Variants in FCHSD2 observed in about 807,000 individuals in gnomAD.
FCHSD2 encodes the protein FCH and double SH3 domains 2, also known as F-BAR and double SH3 domains protein 2.
A neutral mutation model predicts 108.1 loss-of-function variants in FCHSD2; 38 were observed. The ratio of observed to expected loss-of-function variants is 0.35; its 90% CI spans 0.27 to 0.46. The LOEUF is 0.46. Among genes scored for constraint, FCHSD2 ranks in the 20% least tolerant of loss-of-function variants. FCHSD2 has a pLI of 1.00. For synonymous variants in FCHSD2, 279 were observed against 314.7 expected (o/e 0.89, Z 1.20); for missense variants, 751 against 897.8 (o/e 0.84, Z 2.09).
chr11:72,845,180 G>A (rs1417419188), intron 14 of FCHSD2, among the ~76,000 whole-genome samples: 37 of 152,118 alleles, frequency 2.4e-4, no homozygotes, highest in Admixed American at 2.4e-3. Context: ...CAGCACTTTG[G>A]GAGGCCAAGG....
intron 4 of FCHSD2, among the ~76,000 whole-genome samples, chr11:73,005,602 A>AT (rs1272649197): frequency 6.6e-6 from 1 of 151,636 alleles, no homozygotes; most frequent in African/African-American, 2.4e-5. Context: ...CTCTAACTAC[A>AT]TTCACTCTGT....
In FCHSD2 at chr11:72,984,203, C is replaced by A; in HGVS notation, c.590G>T (p.Arg197Leu). 1 of 1,613,836 alleles carries A rather than the reference C, an allele frequency of 6.2e-7. No individual in the cohort carries two copies. The highest frequency in any genetic ancestry group is 2.2e-5 in the East Asian group (1 of 44,870). Residue 197 changes from arginine (R) to leucine (L), a missense_variant, in exon 8 of 20, where the codon CGA (arginine) becomes CTA (leucine). Physicochemically the swap from Arg to Leu is moderately radical, Grantham distance 102. Coordinates refer to ENST00000409418, the MANE Select transcript of FCHSD2 (RefSeq NM_014824.3). ...GGTAGCTTTGGAATTACACTCAGAT[C>A]GCCGGGCTTTTAACTAAAACATAGC... The part of the protein sequence containing the change: ...QKASVKLKAR[R>L]SECNSKATHA...
intron 8 of FCHSD2, among the ~76,000 whole-genome samples, chr11:72,965,355 G>T (rs963615647): frequency 6.6e-6 from 1 of 152,086 alleles, no homozygotes; most frequent in African/African-American, 2.4e-5. Context: ...AATTTTTACT[G>T]AGCGCTCTTC....
intron 3 of FCHSD2, among the ~76,000 whole-genome samples, chr11:73,076,413 T>C (rs192658767): frequency 6.6e-6 from 1 of 152,228 alleles, no homozygotes; most frequent in African/African-American, 2.4e-5. Context: ...ACCTCAAAAA[T>C]ATCTGCTAAG....
intron 3 of FCHSD2, among the ~76,000 whole-genome samples, chr11:73,032,747 C>T (rs910995730): frequency 4.6e-5 from 7 of 151,838 alleles, no homozygotes; most frequent in Non-Finnish European, 7.4e-5. Context: ...GAGCCTGTAA[C>T]GAGAGGTGGG....
chr11:73,094,135 C>T (rs1412268770), intron 2 of FCHSD2, among the ~76,000 whole-genome samples: 4 of 151,894 alleles, frequency 2.6e-5, no homozygotes, highest in African/African-American at 9.7e-5. Flanking sequence ...CACTTGAACC[C>T]GGGAGGCAGA....
chr11:72,970,878 C>T (rs1180894789), intron 8 of FCHSD2, among the ~76,000 whole-genome samples: 1 of 152,144 alleles, frequency 6.6e-6, no homozygotes, highest in Non-Finnish European at 1.5e-5. Context: ...AACCCAACCA[C>T]AACATTGTGA....
chr11:72,854,688 T>G (rs1470606304), intron 13 of FCHSD2, among the ~76,000 whole-genome samples: 1 of 152,184 alleles, frequency 6.6e-6, no homozygotes, highest in Non-Finnish European at 1.5e-5. Flanking sequence ...AATAACCCAG[T>G]CACAAAAAGA....
intron 12 of FCHSD2, among the ~76,000 whole-genome samples, chr11:72,880,376 A>G (rs559430022): frequency 1.5e-4 from 23 of 152,264 alleles, no homozygotes; most frequent in Admixed American, 7.8e-4. Context: ...TAGTAACCAA[A>G]ACAGCATGGT....
chr11:72,890,760 G>C (rs1855297290), intron 10 of FCHSD2, among the ~76,000 whole-genome samples: 1 of 151,498 alleles, frequency 6.6e-6, no homozygotes, highest in South Asian at 2.1e-4. Context: ...AATTTTTCCT[G>C]GATGTCCTAG....
At chr11:73,111,464 T>C (rs77809521) in intron 2 of FCHSD2, among the ~76,000 whole-genome samples, 2 of 60,798 alleles carry the variant, frequency 3.3e-5, no homozygotes, top group African/African-American at 2.5e-4. Flanking sequence ...TTCTCCATCC[T>C]TTTTTTTTTT....
chr11:72,950,759 G>A (rs1856606519), intron 8 of FCHSD2, among the ~76,000 whole-genome samples: 1 of 151,624 alleles, frequency 6.6e-6, no homozygotes, highest in South Asian at 2.1e-4. Context: ...TTATCATTTG[G>A]CTTCTCAGAT....
At chr11:73,121,007 G>A (rs1860721579) in intron 2 of FCHSD2, among the ~76,000 whole-genome samples, 1 of 152,094 alleles carries the variant, frequency 6.6e-6, no homozygotes, top group Non-Finnish European at 1.5e-5. Context: ...ACAAGAGGCA[G>A]AGAGCTACTA....
chr11:72,917,892 T>TAA (rs879471036), intron 9 of FCHSD2, among the ~76,000 whole-genome samples: 2 of 136,872 alleles, frequency 1.5e-5, no homozygotes, highest in Non-Finnish European at 1.6e-5. Context: ...TGTCTCAAAT[T>TAA]AAAAAAAAAA....
At chr11:73,137,662 G>C (rs1477682800) in intron 2 of FCHSD2, among the ~76,000 whole-genome samples, 1 of 152,176 alleles carries the variant, frequency 6.6e-6, no homozygotes, top group Non-Finnish European at 1.5e-5. Flanking sequence ...AGAGAACAAA[G>C]AACTTGCAGT....
At chr11:72,863,261 A>T (rs10751220) in intron 13 of FCHSD2, among the ~76,000 whole-genome samples, 151,621 of 152,148 alleles carry the variant, frequency 1, 75,548 homozygotes, top group Middle Eastern at 1. Context: ...TGCAAAGGCA[A>T]TTCAGTGGCG....
intron 13 of FCHSD2, among the ~76,000 whole-genome samples, chr11:72,851,499 G>A (rs200153578): frequency 6.6e-6 from 1 of 152,156 alleles, no homozygotes; most frequent in Non-Finnish European, 1.5e-5. Flanking sequence ...CCAGCACTTT[G>A]GGAGGCCGAG....
intron 4 of FCHSD2, among the ~76,000 whole-genome samples, chr11:73,012,273 G>A (rs1308944566): frequency 1.3e-5 from 2 of 152,136 alleles, no homozygotes; most frequent in Non-Finnish European, 2.9e-5. Context: ...GAGCAAGGGT[G>A]TTACAGACTG....
intron 2 of FCHSD2, among the ~76,000 whole-genome samples, chr11:73,106,329 C>G (rs1432826111): frequency 6.6e-6 from 1 of 151,094 alleles, no homozygotes; most frequent in Non-Finnish European, 1.5e-5. Context: ...TTGCTTGAGC[C>G]CATGAAGTCA....
Sources: allele counts gnomAD v4.1 joint callset (sites outside exome capture counted in the v4.1 genomes callset), GRCh38; gene constraint gnomAD v4.1.1; transcripts MANE v1.5; gene names NCBI Gene and HGNC (gene_info 2026-07-23, HGNC 2026-07-21).